FNTB: variants seen among roughly 807,000 people sequenced by gnomAD.
FNTB encodes the protein protein farnesyltransferase subunit beta.
In FNTB, 27 loss-of-function variants were observed where a neutral mutation model predicts 59.4. The observed-to-expected ratio is 0.45, with a 90% CI of 0.34 to 0.63. The LOEUF (loss-of-function observed/expected upper bound fraction) is 0.63. Ranked by LOEUF, FNTB falls within the 20% of genes least tolerant of loss-of-function variation. The pLI is 0.02. For synonymous variants in FNTB, 230 were observed against 220.7 expected, an observed-to-expected ratio of 1.04 and a Z score of -0.37; for missense variants, 449 against 559.6, an observed-to-expected ratio of 0.80 and a Z score of 1.99.
chr14:65,020,732 C>CAT (rs1483981809), intron 4 of FNTB, among the ~76,000 whole-genome samples: 3 of 112,738 alleles, frequency 2.7e-5, no homozygotes, highest in Non-Finnish European at 4.1e-5. Context: ...CCGCGCCCGG[C>CAT]CTTTTTTTTT....
In FNTB at chr14:65,050,589, TCAA is replaced by T. The variant is rs779364524; in HGVS notation, c.956-2636_956-2634del. Among the ~76,000 whole-genome samples, 15 of 152,326 alleles carry T rather than the reference TCAA, an allele frequency of 9.8e-5. No homozygotes were observed. In the East Asian group the frequency reaches 1.2e-3, roughly 12 times the overall value. On this transcript the variant is annotated intron_variant, in intron 9 of 11. Coordinates refer to ENST00000246166, the MANE Select transcript of FNTB (RefSeq NM_002028.4). ...CTGGGCGACAGAGCAAGATAGCATC[TCAA>T]CAACAACAACAAAAAGGTGCTAATG... is the stretch of plus-strand genomic sequence containing the variant.
At position 65,006,243 on chromosome 14, in the gene FNTB, A is replaced by C. The variant is rs143291877; in HGVS notation, c.209+1930A>C. 15 of 1,611,738 alleles carry C rather than the reference A, an allele frequency of 9.3e-6. No homozygotes were observed. The highest frequency in any genetic ancestry group is 1.1e-5 in the Non-Finnish European group (13 of 1,179,728). Reference sequence around the variant, plus strand: ...AAACAGTTGGAAAAGGCAAGTGTTCATAAGGAAAGACAGGTGGGAGGGTTA... The same window carrying C: ...AAACAGTTGGAAAAGGCAAGTGTTCCTAAGGAAAGACAGGTGGGAGGGTTA... On this transcript the variant is annotated intron_variant, in intron 2 of 11. Transcript: ENST00000246166.
chr14:65,040,240 G>A (rs761726507), intron 7 of FNTB, among the ~76,000 whole-genome samples: 13 of 145,506 alleles, frequency 8.9e-5, no homozygotes, highest in Non-Finnish European at 1.8e-4. Flanking sequence ...TAACTTGATG[G>A]TTATCACTAT....
intron 1 of FNTB, among the ~76,000 whole-genome samples, chr14:64,993,571 T>A (rs895236134): frequency 3.9e-5 from 6 of 152,364 alleles, no homozygotes; most frequent in Non-Finnish European, 8.8e-5. Context: ...TGAAAAGTCT[T>A]GCCTTATATT....
At chr14:65,053,056 A>T in intron 9 of FNTB, 182 bp from the exon 10 acceptor site, 1 of 397,050 alleles carries the variant, frequency 2.5e-6, no homozygotes, top group Non-Finnish European at 4.3e-6. Flanking sequence ...CACATGTCAA[A>T]GTTCAGGAGA....
Position 65,023,208 on chromosome 14 carries a change from G to A in FNTB, c.375-4245G>A, listed in dbSNP as rs892060849. Among the ~76,000 whole-genome samples, 1 of 152,136 alleles carries A rather than the reference G, an allele frequency of 6.6e-6. No homozygotes were observed. Among genetic ancestry groups the A allele is most frequent in the Non-Finnish European group, 1.5e-5 (1 of 68,034 alleles). On this transcript the variant is annotated intron_variant, in intron 4 of 11. Transcript: ENST00000246166. This position sits in a 1 kb window ranked among gnomAD's most constrained non-coding sequence, Gnocchi z 4.1. The stretch of plus-strand genomic sequence containing the variant: ...TGAGTAGCTGGGGCTAGAGGTGGGT[G>A]CCAACGTGCCTGGTTAATTTTTATA...
At position 65,016,712 on chromosome 14, in the gene FNTB, G is replaced by A. The variant is rs117868405; in HGVS notation, c.374+996G>A. Reference sequence around the variant, plus strand: ...TCATTCTTGCCTTCCTGGGCAGGGTGTCTTGTGATGAATGTGGATGGGGAA... The same window carrying A: ...TCATTCTTGCCTTCCTGGGCAGGGTATCTTGTGATGAATGTGGATGGGGAA... On this transcript the variant is annotated intron_variant, in intron 4 of 11. Transcript: ENST00000246166. Among the ~76,000 whole-genome samples, 11 of 152,304 alleles carry A rather than the reference G, an allele frequency of 7.2e-5. No individual in the cohort carries two copies. In the East Asian group the frequency reaches 2.1e-3, roughly 29 times the overall value.
chr14:65,061,268 G>A lies in FNTB; in HGVS notation c.1270G>A (p.Glu424Lys). The change falls in exon 12 of 12, where the codon GAG (glutamate) becomes AAG (lysine). Residue 424 changes from glutamate to lysine, a missense_variant. By Grantham distance (56) the Glu-to-Lys change is moderately conservative. Coordinates refer to ENST00000246166, the MANE Select transcript of FNTB (RefSeq NM_002028.4). ...YFLQKPVPGF[E>K]ELKDETSAEP... ...TCTACAGAAGCCAGTCCCAGGTTTT[G>A]AGGAGCTTAAGGATGAGACATCGGC... The A allele has an allele frequency of 6.2e-7, 1 of 1,614,154 alleles. No individual in the cohort carries two copies.
rs889690821 is a variant in FNTB, at chr14:65,007,431, A to G, written c.209+3118A>G. The stretch of plus-strand genomic sequence containing the variant: ...ACACACATGCCCAGGACCACAGACC[A>G]CGCACAGGTCCAGGGATGCCTGTGA... On this transcript the variant is annotated intron_variant, in intron 2 of 11. Transcript: ENST00000246166. The surrounding 1 kb of genome is among the most constrained non-coding windows in gnomAD (Gnocchi z 4.9). Among the ~76,000 whole-genome samples the G allele has an allele frequency of 3.3e-5, 5 of 152,230 alleles. No homozygotes were observed. Among genetic ancestry groups the G allele is most frequent in the Non-Finnish European group, 7.3e-5 (5 of 68,038 alleles).
chr14:65,046,515 C>T (rs181730779), intron 9 of FNTB, among the ~76,000 whole-genome samples: 22 of 152,238 alleles, frequency 1.4e-4, no homozygotes, highest in Admixed American at 1.4e-3. Flanking sequence ...TTCTAGGGGG[C>T]TTAGTGGCAT....
intron 7 of FNTB, among the ~76,000 whole-genome samples, chr14:65,034,364 A>G (rs776107892): frequency 6.6e-5 from 10 of 152,236 alleles, no homozygotes; most frequent in African/African-American, 1.2e-4. Context: ...GTACTCCAAC[A>G]GATCCCAAAA....
intron 4 of FNTB, among the ~76,000 whole-genome samples, chr14:65,016,942 A>ATTTTT (rs2061786398): frequency 1.6e-5 from 1 of 61,560 alleles, no homozygotes; most frequent in African/African-American, 6.8e-5. Context: ...TTTTTTTTTG[A>ATTTTT]GACAGAGTTT....
chr14:65,027,591 C>G lies in FNTB; in HGVS notation c.513C>G (p.Ile171Met). 1 of 1,614,130 alleles carries G rather than the reference C, an allele frequency of 6.2e-7. No homozygotes were observed. Among genetic ancestry groups the G allele is most frequent in the South Asian group, 1.1e-5 (1 of 91,078 alleles). The change falls in exon 5 of 12, where the codon ATC becomes ATG. Residue 171 changes from isoleucine to methionine, a missense_variant. Physicochemically the swap from Ile to Met is conservative, Grantham distance 10. This residue lies in a region of FNTB where 337 missense variants were observed against 479.1 expected (regional missense o/e 0.70). Transcript: ENST00000246166. This position sits in a 1 kb window ranked among gnomAD's most constrained non-coding sequence, Gnocchi z 5.7. Reference protein sequence around the residue: ...CIIGTEEAYDIINREKLLQYL... With the variant: ...CIIGTEEAYDMINREKLLQYL... ...TTGGCACCGAGGAGGCCTATGACAT[C>G]ATTAACAGGTACAGTGAAAGCCAGC... is the stretch of plus-strand genomic sequence containing the variant.
chr14:65,043,290 A>G (rs940884361), intron 8 of FNTB, among the ~76,000 whole-genome samples: 2 of 152,244 alleles, frequency 1.3e-5, no homozygotes, highest in Non-Finnish European at 2.9e-5. Context: ...AAACTTGTAG[A>G]TAAGCAAGGA....
At chr14:65,015,490 C>A in intron 3 of FNTB, 135 bp from the exon 4 acceptor site, 4 of 416,400 alleles carry the variant, frequency 9.6e-6, no homozygotes, top group East Asian at 5.0e-5. Flanking sequence ...GTCCTTTATT[C>A]ACTGATTGTT....
chr14:65,028,286 CTGAT>C lies in FNTB; in HGVS notation c.605+508_605+511del, dbSNP rs563353530. 3.1e-4 allele frequency among the ~76,000 whole-genome samples: 47 copies of C among 152,270 alleles called. No homozygotes were observed. Among genetic ancestry groups the C allele is most frequent in the African/African-American group, 1.1e-3 (45 of 41,542 alleles). On this transcript the variant is annotated intron_variant, in intron 6 of 11. Transcript: ENST00000246166. This position sits in a 1 kb window ranked among gnomAD's most constrained non-coding sequence, Gnocchi z 4.4. The stretch of plus-strand genomic sequence containing the variant: ...GTGCAGTGCAATAAAATCGCATTAA[CTGAT>C]TGGTGCCAGTTAGCTCGAAATTATT...
chr14:64,989,532 A>G (rs897607736), intron 1 of FNTB, among the ~76,000 whole-genome samples: 35 of 116,956 alleles, frequency 3.0e-4, no homozygotes, highest in African/African-American at 1.2e-3. Context: ...TTTTCAAATT[A>G]AAAAAAAAAA....
chr14:64,998,785 A>T (rs1046928323), intron 1 of FNTB, among the ~76,000 whole-genome samples: 1 of 152,218 alleles, frequency 6.6e-6, no homozygotes, highest in African/African-American at 2.4e-5. Context: ...GTCTATACTG[A>T]GAATACCTGA....
Position 65,012,257 on chromosome 14 carries a change from C to A in FNTB, c.210-60C>A. The A allele has an allele frequency of 6.2e-7, 1 of 1,601,704 alleles. No homozygotes were observed. The highest frequency in any genetic ancestry group is 8.6e-7 in the Non-Finnish European group (1 of 1,169,528). ...ACCCGTGTGTGTGTACGTGCACATA[C>A]GTGTGTATGGTGGAAGCATAAGCTA... is the stretch of plus-strand genomic sequence containing the variant. On this transcript the variant is annotated intron_variant, in intron 2 of 11. Coordinates refer to ENST00000246166, the MANE Select transcript of FNTB (RefSeq NM_002028.4). This position sits in a 1 kb window ranked among gnomAD's most constrained non-coding sequence, Gnocchi z 5.0.
Sources: allele counts gnomAD v4.1 joint callset (sites outside exome capture counted in the v4.1 genomes callset), GRCh38; gene constraint gnomAD v4.1.1; regional missense constraint gnomAD v4.1.1; non-coding constraint Gnocchi (gnomAD v3.1); transcripts MANE v1.5; gene names NCBI Gene and HGNC (gene_info 2026-07-23, HGNC 2026-07-21).